Variants in KIAA0586 observed in about 807,000 individuals in gnomAD.
KIAA0586 encodes KIAA0586.
Under a neutral mutation model 169.8 loss-of-function variants are expected in KIAA0586, and 144 were observed. That is an observed-to-expected ratio of 0.85 (90% CI 0.74 to 0.97). KIAA0586 has a LOEUF of 0.97. KIAA0586 is among the 50% of genes least tolerant of loss of function. The pLI is 0.00. For missense variants in KIAA0586, 1,854 were observed against 1,823.0 expected (o/e 1.02, Z -0.31); for synonymous variants, 625 against 612.4 (o/e 1.02, Z -0.30).
chr14:58,501,232 C>T (rs1217384934), intron 27 of KIAA0586, among the ~76,000 whole-genome samples: 2 of 152,070 alleles, frequency 1.3e-5, no homozygotes, highest in Admixed American at 6.6e-5. Flanking sequence ...GGGAGAATTC[C>T]GAGACTGAAT....
At chr14:58,435,118 A>T (rs1418629745) in intron 4 of KIAA0586, among the ~76,000 whole-genome samples, 1 of 152,114 alleles carries the variant, frequency 6.6e-6, no homozygotes, top group Non-Finnish European at 1.5e-5. Flanking sequence ...TGATCTTTAC[A>T]AAAGCCTAGC....
chr14:58,561,175 A>G, the KIAA0586 span, among the ~76,000 whole-genome samples: 1 of 152,216 alleles, frequency 6.6e-6, no homozygotes. Context: ...TTGCAGTCAC[A>G]TTAATCCACA....
intron 26 of KIAA0586, among the ~76,000 whole-genome samples, chr14:58,495,276 A>G (rs543087807): frequency 5.2e-4 from 78 of 150,168 alleles, no homozygotes; most frequent in East Asian, 9.8e-4. Flanking sequence ...ATATGTGTGT[A>G]TGTGTGTGTG....
intron 27 of KIAA0586, among the ~76,000 whole-genome samples, chr14:58,507,094 G>A (rs953671254): frequency 8.0e-5 from 12 of 150,876 alleles, no homozygotes; most frequent in Non-Finnish European, 1.5e-5. Flanking sequence ...GATGCAGGGG[G>A]CCATGATCAT....
At chr14:58,487,555 G>A (rs909159676) in intron 22 of KIAA0586, among the ~76,000 whole-genome samples, 4 of 151,600 alleles carry the variant, frequency 2.6e-5, no homozygotes, top group South Asian at 2.1e-4. Flanking sequence ...GCAGTGAGCC[G>A]AGATCGCACC....
rs564721401 is a variant in KIAA0586, at chr14:58,486,934, A to G, written c.3145-73A>G. ...TTAAATTATATATAGTCTATGAATG[A>G]GTTCATATTATTTTCAAATTACTTT... On this transcript the variant is annotated intron_variant, in intron 21 of 30. Transcript: ENST00000652326. 182 of 1,154,528 alleles carry G rather than the reference A, an allele frequency of 1.6e-4. No homozygotes were observed. The Middle Eastern group carries it at 2.5e-3, about 16-fold the overall frequency. 71.5% of individuals were successfully genotyped at this position (1,154,528 alleles called of 1,614,324 possible).
intron 6 of KIAA0586, among the ~76,000 whole-genome samples, chr14:58,447,488 A>G (rs1032000155): frequency 1.5e-5 from 2 of 130,530 alleles, no homozygotes; most frequent in Admixed American, 8.0e-5. Flanking sequence ...GTTTTATTTT[A>G]TTTTGTTTTT....
chr14:58,529,341 C>A lies in KIAA0586; in HGVS notation c.4430-10730C>A, dbSNP rs139610125. On this transcript the variant is annotated intron_variant, in intron 29 of 30. Coordinates refer to ENST00000652326, the MANE Select transcript of KIAA0586 (RefSeq NM_001329943.3). ...AAGAATAGAAAAAGAGAGACTGCTC[C>A]CTTACTCATTTTATGAAGCCAGCAT... Among the ~76,000 whole-genome samples the A allele has an allele frequency of 7.9e-5, 12 of 152,256 alleles. No individual in the cohort carries two copies. In the East Asian group the frequency reaches 2.3e-3, roughly 29 times the overall value.
intron 29 of KIAA0586, among the ~76,000 whole-genome samples, chr14:58,525,442 C>T (rs2045515744): frequency 6.6e-6 from 1 of 151,844 alleles, no homozygotes; most frequent in South Asian, 2.1e-4. Flanking sequence ...TTGCCTCACC[C>T]GTGAAGTGCA....
chr14:58,460,882 C>A, intron 13 of KIAA0586, 104 bp from the exon 14 acceptor site: 2 of 707,278 alleles, frequency 2.8e-6, no homozygotes, highest in Non-Finnish European at 2.1e-6. Flanking sequence ...TTTACTTAAT[C>A]ATTCTTGTTA....
chr14:58,539,465 T>C (rs1284066589), intron 29 of KIAA0586, among the ~76,000 whole-genome samples: 1 of 152,136 alleles, frequency 6.6e-6, no homozygotes, highest in Non-Finnish European at 1.5e-5. Flanking sequence ...GTATCCAGAG[T>C]GTCTTGTTGG....
At chr14:58,492,425 A>G (rs1320434466) in intron 26 of KIAA0586, 150 bp downstream of exon 26, 5 of 617,882 alleles carry the variant, frequency 8.1e-6, no homozygotes, top group Non-Finnish European at 1.4e-5. Flanking sequence ...ATGGAACTGT[A>G]GAGTTTTATA....
At chr14:58,528,166 T>A (rs1368091970) in intron 29 of KIAA0586, among the ~76,000 whole-genome samples, 1 of 152,218 alleles carries the variant, frequency 6.6e-6, no homozygotes, top group Non-Finnish European at 1.5e-5. Flanking sequence ...ATCCTAAATA[T>A]ATATGCACCC....
chr14:58,428,686 A>ATTTTT (rs1174244030), intron 1 of KIAA0586, among the ~76,000 whole-genome samples: 1 of 113,218 alleles, frequency 8.8e-6, no homozygotes, highest in Admixed American at 9.4e-5. Flanking sequence ...TTTTTTTTGC[A>ATTTTT]TTGACTTTTG....
At chr14:58,552,287 A>G (rs1024996652), downstream of KIAA0586, among the ~76,000 whole-genome samples, 19 of 152,222 alleles carry the variant, frequency 1.2e-4, no homozygotes, top group African/African-American at 4.6e-4. Context: ...AATGAGGGGT[A>G]GATTTTAAGT....
intron 30 of KIAA0586, among the ~76,000 whole-genome samples, chr14:58,547,155 T>A (rs74058011): frequency 0.017 from 2,416 of 144,674 alleles, 75 homozygotes; most frequent in African/African-American, 0.056. Context: ...TTACCTCTTT[T>A]AAAAAAAAAA....
Position 58,444,087 on chromosome 14 carries a change from G to A in KIAA0586, c.719G>A (p.Cys240Tyr), listed in dbSNP as rs1165505931. 1 of 1,613,626 alleles carries A rather than the reference G, an allele frequency of 6.2e-7. No individual in the cohort carries two copies. The highest frequency in any genetic ancestry group is 8.5e-7 in the Non-Finnish European group (1 of 1,179,696). ...SIQRKQEKLH[C>Y]HDHEKQMNVF... ...CAGAGGAAACAAGAGAAATTACATT[G>A]TCATGATCACGAAAAGCAAATGAAT... Residue 240 changes from cysteine to tyrosine, a missense_variant, in exon 6 of 31, where the codon TGT becomes TAT. By Grantham distance (194) the Cys-to-Tyr change is radical. Coordinates refer to ENST00000652326, the MANE Select transcript of KIAA0586 (RefSeq NM_001329943.3).
intron 4 of KIAA0586, among the ~76,000 whole-genome samples, chr14:58,435,633 C>G (rs981063941): frequency 6.6e-6 from 1 of 152,160 alleles, no homozygotes; most frequent in Non-Finnish European, 1.5e-5. Flanking sequence ...TGCCCCCCTT[C>G]CATACCCATT....
intron 12 of KIAA0586, 27 bp downstream of exon 12, chr14:58,458,572 T>A: frequency 7.8e-7 from 1 of 1,283,012 alleles, no homozygotes; most frequent in Non-Finnish European, 1.1e-6. Flanking sequence ...AACTGAAAAT[T>A]AAGTGAATTC....
Sources: allele counts gnomAD v4.1 joint callset (sites outside exome capture counted in the v4.1 genomes callset), GRCh38; gene constraint gnomAD v4.1.1; transcripts MANE v1.5; gene names NCBI Gene and HGNC (gene_info 2026-07-23, HGNC 2026-07-21).